The following PTPRD variants were observed in gnomAD, a reference collection of about 807,000 sequenced individuals.
PTPRD encodes the protein receptor-type tyrosine-protein phosphatase delta.
In PTPRD, 34 loss-of-function variants were observed where a neutral mutation model predicts 214.5. The observed-to-expected ratio is 0.16, with a 90% CI of 0.12 to 0.21. The LOEUF (loss-of-function observed/expected upper bound fraction) is 0.21, where lower values mean the gene tolerates loss of function less well. Ranked by LOEUF, PTPRD falls within the 10% of genes least tolerant of loss-of-function variation. The pLI is 1.00. For synonymous variants in PTPRD, 1,128 were observed against 845.7 expected (o/e 1.33, Z -5.79); for missense variants, 2,545 against 2,398.7 (o/e 1.06, Z -1.27).
chr9:8,397,439 G>C (rs140475578), intron 36 of PTPRD, among the ~76,000 whole-genome samples: 21 of 152,202 alleles, frequency 1.4e-4, no homozygotes, highest in Admixed American at 5.2e-4. Context: ...TGGATAGACT[G>C]TATTAACATA....
chr9:8,805,464 G>C (rs890917598), intron 11 of PTPRD, among the ~76,000 whole-genome samples: 1 of 151,632 alleles, frequency 6.6e-6, no homozygotes, highest in Non-Finnish European at 1.5e-5. Flanking sequence ...AAAGCCAGTG[G>C]CTTGCCAATT....
intron 4 of PTPRD, among the ~76,000 whole-genome samples, chr9:9,944,764 G>A (rs551183634): frequency 6.6e-6 from 1 of 152,098 alleles, no homozygotes; most frequent in Non-Finnish European, 1.5e-5. Flanking sequence ...GTAATGAGGA[G>A]ACACATAATC....
intron 7 of PTPRD, among the ~76,000 whole-genome samples, chr9:9,655,176 G>C (rs996600849): frequency 6.6e-6 from 1 of 151,908 alleles, no homozygotes; most frequent in Non-Finnish European, 1.5e-5. Flanking sequence ...CAAGCCACAG[G>C]GTGGAAGAAA....
chr9:9,426,799 C>G (rs1241635434), intron 8 of PTPRD, among the ~76,000 whole-genome samples: 2 of 152,136 alleles, frequency 1.3e-5, no homozygotes, highest in African/African-American at 4.8e-5. Context: ...CAAACAGGGA[C>G]TGGAGTGGAC....
intron 37 of PTPRD, among the ~76,000 whole-genome samples, chr9:8,384,791 G>A (rs146025050): frequency 1.3e-5 from 2 of 152,294 alleles, no homozygotes; most frequent in African/African-American, 4.8e-5. Flanking sequence ...CTCTCAAAAC[G>A]CTGAGATTAC....
At chr9:9,159,562 A>C (rs969228150) in intron 10 of PTPRD, among the ~76,000 whole-genome samples, 2 of 152,170 alleles carry the variant, frequency 1.3e-5, no homozygotes, top group South Asian at 2.1e-4. Flanking sequence ...AAAAGAAAAT[A>C]CAAATCAGTA....
chr9:10,350,327 C>T (rs2097160671), intron 2 of PTPRD, among the ~76,000 whole-genome samples: 1 of 152,048 alleles, frequency 6.6e-6, no homozygotes, highest in Non-Finnish European at 1.5e-5. Flanking sequence ...TGTAAATAGT[C>T]ATTCTAAACA....
At chr9:8,535,056 A>G (rs1253403439) in intron 14 of PTPRD, among the ~76,000 whole-genome samples, 2 of 151,904 alleles carry the variant, frequency 1.3e-5, no homozygotes, top group Non-Finnish European at 2.9e-5. Context: ...TATCTGCAGG[A>G]TAATTAGCTT....
intron 5 of PTPRD, among the ~76,000 whole-genome samples, chr9:9,918,828 C>G (rs1168275467): frequency 6.6e-6 from 1 of 152,070 alleles, no homozygotes; most frequent in African/African-American, 2.4e-5. Flanking sequence ...ATAAATGGTG[C>G]TAGGAGAACT....
At chr9:9,245,215 G>A (rs943093612) in intron 9 of PTPRD, among the ~76,000 whole-genome samples, 2 of 152,128 alleles carry the variant, frequency 1.3e-5, no homozygotes, top group Non-Finnish European at 2.9e-5. Context: ...TAACTATTGT[G>A]GAAAACAGTA....
At chr9:8,367,581 A>G (rs1335553355) in intron 39 of PTPRD, among the ~76,000 whole-genome samples, 3 of 152,204 alleles carry the variant, frequency 2.0e-5, no homozygotes, top group Non-Finnish European at 2.9e-5. Context: ...TAGTGCAATG[A>G]TATAATTATA....
chr9:9,689,959 C>A (rs140483806), intron 7 of PTPRD, among the ~76,000 whole-genome samples: 15 of 151,916 alleles, frequency 9.9e-5, no homozygotes, highest in South Asian at 4.2e-4. Context: ...GAGTGCAGAT[C>A]TCTCTCTTAT....
chr9:10,263,311 T>A (rs193196273), intron 3 of PTPRD, among the ~76,000 whole-genome samples: 2 of 152,068 alleles, frequency 1.3e-5, no homozygotes, highest in Admixed American at 6.5e-5. Flanking sequence ...GACAGGAGTA[T>A]GTGGGAAAGT....
chr9:9,666,315 G>A (rs2096720828), intron 7 of PTPRD, among the ~76,000 whole-genome samples: 1 of 151,914 alleles, frequency 6.6e-6, no homozygotes, highest in South Asian at 2.1e-4. Flanking sequence ...ATGTAAAGAT[G>A]TCTATGATAT....
intron 4 of PTPRD, among the ~76,000 whole-genome samples, chr9:9,982,753 AAAAATAAAAT>A (rs1170057462): frequency 6.6e-6 from 1 of 152,150 alleles, no homozygotes; most frequent in South Asian, 2.1e-4. Flanking sequence ...TAAAAATTAA[AAAAATAAAAT>A]AAAATAAAAG....
chr9:8,666,894 T>A (rs1051293146), intron 12 of PTPRD, among the ~76,000 whole-genome samples: 2 of 152,126 alleles, frequency 1.3e-5, no homozygotes, highest in Non-Finnish European at 2.9e-5. Flanking sequence ...AACTTAATAT[T>A]TTCACACTAG....
chr9:9,486,576 T>C (rs2095647742), intron 8 of PTPRD, among the ~76,000 whole-genome samples: 1 of 152,120 alleles, frequency 6.6e-6, no homozygotes, highest in Non-Finnish European at 1.5e-5. Flanking sequence ...TTCTTGCCCC[T>C]TCCTTCTCAA....
At chr9:9,307,524 T>C (rs917956269) in intron 9 of PTPRD, among the ~76,000 whole-genome samples, 2 of 152,148 alleles carry the variant, frequency 1.3e-5, no homozygotes, top group African/African-American at 4.8e-5. Flanking sequence ...TAACATCCAA[T>C]CAGTGGCTGT....
chr9:10,335,808 G>A (rs1383509899), intron 3 of PTPRD, among the ~76,000 whole-genome samples: 1 of 151,892 alleles, frequency 6.6e-6, no homozygotes, highest in Middle Eastern at 3.4e-3. Context: ...TTTCACCAAA[G>A]AATATATACA....
Sources: gnomAD v4.1 joint callset for allele counts (sites outside exome capture counted in the v4.1 genomes callset) on GRCh38, gnomAD v4.1.1 for gene constraint, MANE v1.5 for transcripts, NCBI Gene and HGNC (gene_info 2026-07-23, HGNC 2026-07-21) for gene names.